Variants in ANO9 observed in about 807,000 individuals in gnomAD.
The protein encoded by ANO9 is anoctamin-9.
ANO9 carries 80 observed loss-of-function variants against 100.5 expected under a neutral mutation model. The ratio of observed to expected loss-of-function variants is 0.80; its 90% CI spans 0.66 to 0.96. ANO9 has a LOEUF of 0.96. Among genes scored for constraint, ANO9 ranks in the 40% least tolerant of loss-of-function variants. The pLI is 0.00. For synonymous variants in ANO9, 473 were observed against 435.6 expected, an observed-to-expected ratio of 1.09 and a Z score of -1.07; for missense variants, 1,064 against 1,072.7, an observed-to-expected ratio of 0.99 and a Z score of 0.11.
chr11:428,704 G>A lies in ANO9; in HGVS notation c.1020+18C>T, dbSNP rs200640595. Reference sequence around the variant, plus strand: ...TGCAGCCCGGGTCTCCAGCCCCACCGCGGTGTCCCCTGCGTACCATGAGCA... The same window carrying A: ...TGCAGCCCGGGTCTCCAGCCCCACCACGGTGTCCCCTGCGTACCATGAGCA... On this transcript the variant is annotated intron_variant, in intron 12 of 22. Transcript: ENST00000332826. 2.3e-5 allele frequency: 37 copies of A among 1,612,832 alleles called. No individual in the cohort carries two copies. The highest frequency in any genetic ancestry group is 4.0e-5 in the African/African-American group (3 of 75,050).
chr11:434,250 G>C, intron 1 of ANO9, 152 bp from the exon 2 acceptor site: 2 of 947,698 alleles, frequency 2.1e-6, no homozygotes, highest in Non-Finnish European at 3.1e-6. Context: ...GGCTGTAGGC[G>C]GGTGACAGGC....
rs1564920661 is a variant in ANO9 at position 430,198 on chromosome 11, G to C, written c.675-19C>G. ...CTCCTTGCTGAAGGGGCAGGGATGA[G>C]GCTGGGGTCGGCTCCTCCAGGCAGC... On this transcript the variant is annotated intron_variant, in intron 8 of 22. Transcript: ENST00000332826. 1 of 1,550,432 alleles carries C rather than the reference G, an allele frequency of 6.4e-7. No individual in the cohort carries two copies. The highest frequency in any genetic ancestry group is 2.0e-5 in the Admixed American group (1 of 51,142).
At chr11:420,899 C>T (rs2133678740) in intron 17 of ANO9, 39 bp from the exon 18 acceptor site, 2 of 1,585,010 alleles carry the variant, frequency 1.3e-6, no homozygotes, top group Admixed American at 1.7e-5. Flanking sequence ...GCGCAGGGGG[C>T]GGAGGGGCCT....
Position 433,935 on chromosome 11 carries a change from G to A in ANO9, c.84C>T (p.Thr28=), listed in dbSNP as rs773100695. The part of the protein sequence containing the change: ...FPLMEISTCE[T]EASEQWDYVL... ...CATAGTCCCACTGCTCGGAGGCCTC[G>A]GTCTGCAGGGAGGAGGCATGGGGCC... The change falls in exon 3 of 23, where the codon ACC becomes ACT. Residue 28 remains threonine, a splice_region_variant and synonymous_variant. Transcript: ENST00000332826. The A allele has an allele frequency of 1.2e-5, 19 of 1,560,246 alleles. No homozygotes were observed. Among genetic ancestry groups the A allele is most frequent in the South Asian group, 2.4e-5 (2 of 84,798 alleles).
chr11:429,578 C>G lies in ANO9; in HGVS notation c.907G>C (p.Glu303Gln). The G allele has an allele frequency of 6.2e-7, 1 of 1,612,476 alleles. No individual in the cohort carries two copies. The highest frequency in any genetic ancestry group is 8.5e-7 in the Non-Finnish European group (1 of 1,179,816). The change falls in exon 11 of 23, where the codon GAG becomes CAG. Residue 303 changes from glutamate (E) to glutamine (Q), a missense_variant. Transcript: ENST00000332826. ...VLHWDLYVWD[E>Q]EQEEMALQLI... ...TGCCAGCTCCACCTCACCTGTTCCT[C>G]GTCCCACACGTACAGGTCCCAGTGC...
At chr11:420,199 CTGGGTCCCCCTT>C in intron 19 of ANO9, 8 of 1,399,636 alleles carry the variant, frequency 5.7e-6, no homozygotes, top group Non-Finnish European at 7.4e-6. Context: ...CTGGCAGAAC[CTGGGTCCCCCTT>C]GGGGGCGTCA....
intron 1 of ANO9, among the ~76,000 whole-genome samples, chr11:440,178 C>T (rs1249473039): frequency 6.6e-6 from 1 of 152,150 alleles, no homozygotes; most frequent in African/African-American, 2.4e-5. Flanking sequence ...GTAGCTACTA[C>T]TCCTGGTGAC....
intron 1 of ANO9, among the ~76,000 whole-genome samples, chr11:435,249 G>C (rs897511051): frequency 6.9e-6 from 1 of 145,306 alleles, no homozygotes; most frequent in Non-Finnish European, 1.5e-5. Flanking sequence ...GTATGGTATA[G>C]TCTAGTATGG....
Position 421,805 on chromosome 11 carries a change from T to C in ANO9, c.1335-607A>G, listed in dbSNP as rs1353948122. 6.6e-6 allele frequency among the ~76,000 whole-genome samples: 1 copy of C among 152,240 alleles called. No homozygotes were observed. Among genetic ancestry groups the C allele is most frequent in the Non-Finnish European group, 1.5e-5 (1 of 68,040 alleles). On this transcript the variant is annotated intron_variant, in intron 15 of 22. Coordinates refer to ENST00000332826, the MANE Select transcript of ANO9 (RefSeq NM_001012302.3). This position sits in a 1 kb window ranked among gnomAD's most constrained non-coding sequence, Gnocchi z 6.8. ...TCCATAATATGAGAAATACATGAAC[T>C]ATCTTAAACCAAAAGTCAGGCTCAT...
In ANO9 at chr11:433,351, C is replaced by T. The variant is rs779445613; in HGVS notation, c.313G>A (p.Glu105Lys). 13 of 1,612,846 alleles carry T rather than the reference C, an allele frequency of 8.1e-6. No homozygotes were observed. The East Asian group carries it at 8.9e-5, about 11-fold the overall frequency. Residue 105 changes from glutamate to lysine, a missense_variant, in exon 4 of 23, where the codon GAG becomes AAG. By Grantham distance (56) the Glu-to-Lys change is moderately conservative (BLOSUM62 1). Coordinates refer to ENST00000332826, the MANE Select transcript of ANO9 (RefSeq NM_001012302.3). ...GGGATGGTGGTCGGCGCGGCCAGCT[C>T]GGCGTGGGGGGCAGGCCCCTCAGGC... ...LEPEGPAPHAELAAPTTIPVT... is the reference protein window; with the variant it reads ...LEPEGPAPHAKLAAPTTIPVT...
Position 433,299 on chromosome 11 carries a change from G to A in ANO9, c.350+15C>T, listed in dbSNP as rs779928173. 6.2e-7 allele frequency: 1 copy of A among 1,610,364 alleles called. No homozygotes were observed. Among genetic ancestry groups the A allele is most frequent in the Non-Finnish European group, 8.5e-7 (1 of 1,178,700 alleles). The stretch of plus-strand genomic sequence containing the variant: ...AGGGGTTCTCCTGGCCACGGCTCTG[G>A]GTGCAGCCTCTCACCTCGTGGTGAC... On this transcript the variant is annotated intron_variant, in intron 4 of 22. Transcript: ENST00000332826.
intron 1 of ANO9, among the ~76,000 whole-genome samples, chr11:436,137 A>G (rs977769911): frequency 2.7e-4 from 36 of 133,504 alleles, no homozygotes; most frequent in Non-Finnish European, 4.6e-4. Flanking sequence ...GTACAATCTC[A>G]GCTCACTGTA....
intron 1 of ANO9, 60 bp downstream of exon 1, chr11:441,861 C>G: frequency 6.3e-7 from 1 of 1,585,348 alleles, no homozygotes; most frequent in Non-Finnish European, 8.5e-7. Flanking sequence ...GCCGGGGGCC[C>G]CAGGTGTGGG....
intron 9 of ANO9, 37 bp downstream of exon 9, chr11:430,046 T>C: frequency 3.9e-6 from 6 of 1,540,940 alleles, no homozygotes; most frequent in Non-Finnish European, 5.3e-6. Flanking sequence ...CGTTCCCATC[T>C]TCCGCAGGCC....
In ANO9 at chr11:431,776, G is replaced by A. The variant is rs1420997325; in HGVS notation, c.466-9C>T. On this transcript the variant is annotated splice_polypyrimidine_tract_variant and intron_variant, in intron 6 of 22. Transcript: ENST00000332826. ...TTCAGGCGTCCCTCCCCCTGGCTCG[G>A]GTGACAGAGAGTGAGAGCCCCCATC... The A allele has an allele frequency of 1.2e-6, 2 of 1,612,426 alleles. No homozygotes were observed. Among genetic ancestry groups the A allele is most frequent in the Non-Finnish European group, 1.7e-6 (2 of 1,179,550 alleles).
In ANO9 at chr11:421,424, C is replaced by T; in HGVS notation, c.1335-226G>A. ...GCCACAGGCTCCCAGATGAACCGCA[C>T]CCACACGTGGGCGCGCGCACACACA... is the stretch of plus-strand genomic sequence containing the variant. On this transcript the variant is annotated intron_variant, in intron 15 of 22. Transcript: ENST00000332826. The surrounding 1 kb of genome is among the most constrained non-coding windows in gnomAD (Gnocchi z 6.8). The T allele has an allele frequency of 2.4e-6, 1 of 420,046 alleles. No homozygotes were observed. The highest frequency in any genetic ancestry group is 4.2e-6 in the Non-Finnish European group (1 of 240,778). 26.0% of individuals were successfully genotyped at this position (420,046 alleles called of 1,614,324 possible). A position where few individuals can be genotyped will look rare whatever the true frequency, so the allele number is the denominator to read the frequency against.
chr11:429,468 A>T, intron 11 of ANO9, 102 bp downstream of exon 11: 2 of 1,533,198 alleles, frequency 1.3e-6, no homozygotes, highest in East Asian at 4.9e-5. Context: ...GACTCGGGAC[A>T]CACACCTCAG....
chr11:420,622 G>T lies in ANO9; in HGVS notation c.1634-7C>A, dbSNP rs1848115487. 1 of 1,604,292 alleles carries T rather than the reference G, an allele frequency of 6.2e-7. No individual in the cohort carries two copies. The highest frequency in any genetic ancestry group is 8.5e-7 in the Non-Finnish European group (1 of 1,179,018). On this transcript the variant is annotated splice_region_variant and splice_polypyrimidine_tract_variant and intron_variant, in intron 18 of 22. Transcript: ENST00000332826. ...GTGAAGCCGTACTGGATCACTGCGC[G>T]GTGGGGGTCAGGCTCACCGGCGCCC...
At chr11:430,458 G>A in intron 7 of ANO9, 55 bp from the exon 8 acceptor site, 1 of 286,782 alleles carries the variant, frequency 3.5e-6, no homozygotes, top group African/African-American at 6.2e-5. Flanking sequence ...GGAGGGACAG[G>A]AAAGGGATGG....
Sources: allele counts gnomAD v4.1 joint callset (sites outside exome capture counted in the v4.1 genomes callset), GRCh38; gene constraint gnomAD v4.1.1; non-coding constraint Gnocchi (gnomAD v3.1); transcripts MANE v1.5; gene names NCBI Gene and HGNC (gene_info 2026-07-23, HGNC 2026-07-21).